The following CLK3 variants were observed in gnomAD, a reference collection of about 807,000 sequenced individuals.
CLK3 encodes the protein CDC like kinase 3, also known as dual specificity protein kinase CLK3.
In CLK3, 24 loss-of-function variants were observed where a neutral mutation model predicts 65.2. That is an observed-to-expected ratio of 0.37 (90% confidence interval 0.27 to 0.52). CLK3 has a LOEUF of 0.52. CLK3 is among the 20% of genes least tolerant of loss of function. The pLI is 0.92. For synonymous variants in CLK3, 252 were observed against 240.8 expected (o/e 1.05, Z -0.43); for missense variants, 506 against 660.0 (o/e 0.77, Z 2.56).
intron 1 of CLK3, among the ~76,000 whole-genome samples, chr15:74,616,565 A>T (rs982395243): frequency 6.6e-6 from 1 of 152,188 alleles, no homozygotes; most frequent in African/African-American, 2.4e-5. Flanking sequence ...GGGTGCCCTG[A>T]TGTGGAGCTG....
At position 74,630,052 on chromosome 15, in the gene CLK3, GCA is replaced by G. The variant is rs1241543817; in HGVS notation, c.*172_*173del. The G allele has an allele frequency of 1.2e-4, 76 of 628,988 alleles. No homozygotes were observed. Among genetic ancestry groups the G allele is most frequent in the Middle Eastern group, 4.3e-4 (1 of 2,310 alleles). The allele number at this position is 628,988 out of a possible 1,614,324, so 39.0% of individuals were successfully genotyped here. A position where few individuals can be genotyped will look rare whatever the true frequency, so the allele number is the denominator to read the frequency against. Reference sequence around the variant, plus strand: ...AGACTTGGTGCCCAGCTGCCAGAAAGCACAGATTTGACCCAAGCTATTTATAT... The same window carrying G: ...AGACTTGGTGCCCAGCTGCCAGAAAGCAGATTTGACCCAAGCTATTTATAT... On this transcript the variant is annotated 3_prime_UTR_variant, in exon 13 of 13. Coordinates refer to ENST00000395066, the MANE Select transcript of CLK3 (RefSeq NM_001130028.2).
At position 74,621,876 on chromosome 15, in the gene CLK3, C is replaced by T. The variant is rs2062106398; in HGVS notation, c.370-244C>T. The T allele has an allele frequency of 5.6e-6, 3 of 540,186 alleles. No homozygotes were observed. Among genetic ancestry groups the T allele is most frequent in the African/African-American group, 3.8e-5 (2 of 53,058 alleles). 33.5% of individuals were successfully genotyped at this position (540,186 alleles called of 1,614,324 possible). On this transcript the variant is annotated intron_variant, in intron 3 of 12. Transcript: ENST00000395066. The surrounding 1 kb of genome is among the most constrained non-coding windows in gnomAD (Gnocchi z 4.8). ...ATAATGTCCGAGTTTTCTTTACATA[C>T]CTGTAGCTGTTTTTACTTTTCTGTT...
chr15:74,618,999 A>G, intron 1 of CLK3, 198 bp from the exon 2 acceptor site: 1 of 593,166 alleles, frequency 1.7e-6, no homozygotes, highest in Admixed American at 3.0e-5. Flanking sequence ...GTTCACTGGC[A>G]GAGAAAGTTG....
chr15:74,624,989 A>G lies in CLK3; in HGVS notation c.621A>G (p.Lys207=). 6.2e-7 allele frequency: 1 copy of G among 1,613,940 alleles called. No individual in the cohort carries two copies. Among genetic ancestry groups the G allele is most frequent in the East Asian group, 2.2e-5 (1 of 44,862 alleles). ...AARLEINVLK[K]IKEKDKENKF... is the part of the protein sequence containing the mutation. Reference sequence around the variant, plus strand: ...GGCTAGAAATCAACGTGCTCAAAAAAATCAAGGAGAAGGACAAAGAAAACA... The same window carrying G: ...GGCTAGAAATCAACGTGCTCAAAAAGATCAAGGAGAAGGACAAAGAAAACA... Residue 207 remains lysine, a synonymous_variant, in exon 6 of 13, where the codon AAA becomes AAG. Coordinates refer to ENST00000395066, the MANE Select transcript of CLK3 (RefSeq NM_001130028.2). The surrounding 1 kb of genome is among the most constrained non-coding windows in gnomAD (Gnocchi z 4.2).
rs773020998 is a variant in CLK3 at position 74,620,197 on chromosome 15, G to A, written c.341G>A (p.Arg114His). 16 of 1,613,966 alleles carry A rather than the reference G, an allele frequency of 9.9e-6. No individual in the cohort carries two copies. Among genetic ancestry groups the A allele is most frequent in the East Asian group, 4.5e-5 (2 of 44,892 alleles). The stretch of plus-strand genomic sequence containing the variant: ...CATGCCCACCACTGCCACAAACGCC[G>A]CACCAGGTCTTGTAGCAGCGCCTCC... ...RKHAHHCHKR[R>H]TRSCSSASSR... Residue 114 changes from arginine to histidine, a missense_variant, in exon 3 of 13, where the codon CGC becomes CAC. Arg to His is a conservative substitution (Grantham distance 29). This residue lies in a region of CLK3 where 325 missense variants were observed against 500.5 expected (regional missense o/e 0.65). Transcript: ENST00000395066.
chr15:74,611,041 TAA>T (rs1309274530), upstream of CLK3, among the ~76,000 whole-genome samples: 1 of 152,126 alleles, frequency 6.6e-6, no homozygotes, highest in African/African-American at 2.4e-5. Context: ...TCTATGGAGC[TAA>T]AACCAGCCCC....
chr15:74,619,489 A>G, intron 2 of CLK3, 141 bp downstream of exon 2: 3 of 853,372 alleles, frequency 3.5e-6, no homozygotes, highest in Non-Finnish European at 5.4e-6. Flanking sequence ...CTCCTCCACT[A>G]ACCTCACCTG....
Position 74,627,802 on chromosome 15 carries a change from A to G in CLK3, c.1042+134A>G, listed in dbSNP as rs1047706336. The G allele has an allele frequency of 9.7e-6, 13 of 1,342,964 alleles. No homozygotes were observed. The highest frequency in any genetic ancestry group is 7.2e-5 in the African/African-American group (5 of 69,612). 83.2% of individuals were successfully genotyped at this position (1,342,964 alleles called of 1,614,324 possible). A position where few individuals can be genotyped will look rare whatever the true frequency, so the allele number is the denominator to read the frequency against. ...TTTCTCAGACCAAGGGGCCAGTGTC[A>G]TGAGACACAGGTGACTGACCTGGCT... On this transcript the variant is annotated intron_variant, in intron 9 of 12. Transcript: ENST00000395066. The surrounding 1 kb of genome is among the most constrained non-coding windows in gnomAD (Gnocchi z 4.3).
At chr15:74,629,298 G>A (rs994427517) in intron 12 of CLK3, 1 of 581,318 alleles carries the variant, frequency 1.7e-6, no homozygotes, top group Non-Finnish European at 3.1e-6. Flanking sequence ...AAGCCCTGCT[G>A]CTTCCTGTCC....
chr15:74,619,040 A>T, intron 1 of CLK3, 157 bp from the exon 2 acceptor site: 1 of 770,474 alleles, frequency 1.3e-6, no homozygotes, highest in Non-Finnish European at 2.1e-6. Flanking sequence ...GACCAGTGTG[A>T]CCTCAGAGTT....
chr15:74,621,654 G>C lies in CLK3; in HGVS notation c.370-466G>C, dbSNP rs373719670. On this transcript the variant is annotated intron_variant, in intron 3 of 12. Transcript: ENST00000395066. This position sits in a 1 kb window ranked among gnomAD's most constrained non-coding sequence, Gnocchi z 4.8. ...TGACCAGTCTGGATGGTTGGACCCA[G>C]GCGGGGCCAGCTGCCTTCTTGCGCC... 1 of 312,900 alleles carries C rather than the reference G, an allele frequency of 3.2e-6. No individual in the cohort carries two copies. Among genetic ancestry groups the C allele is most frequent in the African/African-American group, 2.2e-5 (1 of 46,218 alleles). 19.4% of individuals were successfully genotyped at this position (312,900 alleles called of 1,614,324 possible).
chr15:74,625,692 G>C, intron 6 of CLK3, 110 bp from the exon 7 acceptor site: 4 of 1,106,282 alleles, frequency 3.6e-6, no homozygotes, highest in Non-Finnish European at 5.4e-6. Flanking sequence ...CTGCATTCTG[G>C]TGTGTGACCC....
intron 1 of CLK3, among the ~76,000 whole-genome samples, chr15:74,616,977 C>T (rs2062065434): frequency 6.6e-6 from 1 of 152,198 alleles, no homozygotes; most frequent in Admixed American, 6.5e-5. Context: ...AAGCTGTTTG[C>T]TGAGGTTTTC....
upstream of CLK3, among the ~76,000 whole-genome samples, chr15:74,611,435 T>A (rs1320559339): frequency 6.6e-6 from 1 of 152,180 alleles, no homozygotes; most frequent in Non-Finnish European, 1.5e-5. Context: ...ACCAGCCAAG[T>A]CCCAGCTTGT....
At chr15:74,623,318 C>T (rs1309043398) in intron 5 of CLK3, among the ~76,000 whole-genome samples, 1 of 152,222 alleles carries the variant, frequency 6.6e-6, no homozygotes, top group Non-Finnish European at 1.5e-5. Flanking sequence ...GTGCTTGTGT[C>T]CTCATTGGAG....
At chr15:74,615,693 C>T (rs951402314), upstream of CLK3, 5 of 1,238,780 alleles carry the variant, frequency 4.0e-6, no homozygotes, top group African/African-American at 4.7e-5. Context: ...GGCCGCGGCG[C>T]CCGCCGGAGC....
At chr15:74,623,318 C>G (rs1309043398) in intron 5 of CLK3, among the ~76,000 whole-genome samples, 2 of 152,222 alleles carry the variant, frequency 1.3e-5, no homozygotes, top group Non-Finnish European at 2.9e-5. Context: ...GTGCTTGTGT[C>G]CTCATTGGAG....
intron 10 of CLK3, 87 bp from the exon 11 acceptor site, chr15:74,628,517 C>A: frequency 1.1e-6 from 1 of 913,866 alleles, no homozygotes; most frequent in Non-Finnish European, 1.7e-6. Flanking sequence ...GCAGTGAGGG[C>A]ACTTGCCCAT....
At chr15:74,623,406 C>T (rs72728884) in intron 5 of CLK3, among the ~76,000 whole-genome samples, 2,165 of 152,346 alleles carry the variant, frequency 0.014, 41 homozygotes, top group Non-Finnish European at 0.017. Flanking sequence ...GCATCATACT[C>T]CAGTTAACAG....
Sources: gnomAD v4.1 joint callset for allele counts (sites outside exome capture counted in the v4.1 genomes callset) on GRCh38, gnomAD v4.1.1 for gene constraint, gnomAD v4.1.1 regional missense constraint, Gnocchi (gnomAD v3.1) non-coding constraint, MANE v1.5 for transcripts, NCBI Gene and HGNC (gene_info 2026-07-23, HGNC 2026-07-21) for gene names.